ZNF667: variants seen among roughly 807,000 people sequenced by gnomAD.
ZNF667 encodes the protein myocardial ischemic preconditioning upregulated 1 ortholog.
Under a neutral mutation model 31.8 loss-of-function variants are expected in ZNF667, and 13 were observed. The ratio of observed to expected loss-of-function variants is 0.41; its 90% CI spans 0.27 to 0.65. The LOEUF (loss-of-function observed/expected upper bound fraction) is 0.65, where lower values mean the gene tolerates loss of function less well. Ranked by LOEUF, ZNF667 falls within the 30% of genes least tolerant of loss-of-function variation. The pLI is 0.32. For missense variants in ZNF667, 642 were observed against 725.6 expected (o/e 0.88, Z 1.32); for synonymous variants, 228 against 247.1 (o/e 0.92, Z 0.73).
chr19:56,469,343 G>A (rs2043235617), intron 3 of ZNF667, among the ~76,000 whole-genome samples: 2 of 152,198 alleles, frequency 1.3e-5, no homozygotes, highest in African/African-American at 4.8e-5. Context: ...GGCCCCCAGT[G>A]GTGGTAAACA....
At chr19:56,463,123 G>C (rs138894970) in intron 3 of ZNF667, among the ~76,000 whole-genome samples, 1 of 152,132 alleles carries the variant, frequency 6.6e-6, no homozygotes, top group African/African-American at 2.4e-5. Flanking sequence ...CATGAAAGGG[G>C]TGCTGAGCAG....
intron 1 of ZNF667, chr19:56,475,117 T>C (rs1038771811): frequency 1.3e-5 from 2 of 152,248 alleles, no homozygotes; most frequent in African/African-American, 4.8e-5. Context: ...AAAGAACACC[T>C]GCCAAACACC....
chr19:56,447,656 G>A (rs1405267341), intron 6 of ZNF667, among the ~76,000 whole-genome samples: 1 of 152,090 alleles, frequency 6.6e-6, no homozygotes. Flanking sequence ...GCCGAGGTGG[G>A]TGGATCACAA....
intron 6 of ZNF667, among the ~76,000 whole-genome samples, chr19:56,455,586 G>T (rs866450209): frequency 6.6e-6 from 1 of 152,158 alleles, no homozygotes; most frequent in South Asian, 2.1e-4. Context: ...TGAACTCATG[G>T]ATATAAGAGA....
At chr19:56,444,477 G>A (rs1474676747) in intron 6 of ZNF667, among the ~76,000 whole-genome samples, 3 of 151,682 alleles carry the variant, frequency 2.0e-5, no homozygotes, top group African/African-American at 7.3e-5. Context: ...ACCTCCCACA[G>A]ACCCCACCTC....
chr19:56,457,728 G>C (rs2042963360), intron 6 of ZNF667, among the ~76,000 whole-genome samples: 2 of 152,144 alleles, frequency 1.3e-5, no homozygotes, highest in African/African-American at 4.8e-5. Flanking sequence ...ACAATTACAT[G>C]AGCTCTTATG....
upstream of ZNF667, chr19:56,477,726 A>AACC (rs1443748320): frequency 6.6e-6 from 1 of 152,474 alleles, no homozygotes; most frequent in Non-Finnish European, 1.5e-5. Flanking sequence ...CCGCTCCCAC[A>AACC]ACCACACGTT....
At chr19:56,454,524 C>T (rs978817926) in intron 6 of ZNF667, among the ~76,000 whole-genome samples, 2 of 151,740 alleles carry the variant, frequency 1.3e-5, no homozygotes, top group Non-Finnish European at 2.9e-5. Flanking sequence ...GAAATAAATC[C>T]ATACATCTAC....
At chr19:56,470,100 G>T (rs1204096184) in intron 3 of ZNF667, 1 of 448,234 alleles carries the variant, frequency 2.2e-6, no homozygotes. Flanking sequence ...ACCTTGCTGG[G>T]TCTTTACCTC....
In ZNF667 at chr19:56,441,707, G is replaced by A. The variant is rs769584802; in HGVS notation, c.1288C>T (p.Leu430Phe). The change falls in exon 7 of 7, where the codon CTT becomes TTT. Residue 430 changes from leucine to phenylalanine, a missense_variant. Coordinates refer to ENST00000504904, the MANE Select transcript of ZNF667 (RefSeq NM_001321356.2). This position sits in a 1 kb window ranked among gnomAD's most constrained non-coding sequence, Gnocchi z 4.2. ...CGKMFSGTAN[L>F]KIHQNIHSEE... Reference sequence around the variant, plus strand: ...GAATGAATATTCTGATGTATTTTAAGGTTTGCAGTTCCAGAAAACATCTTC... The same window carrying A: ...GAATGAATATTCTGATGTATTTTAAAGTTTGCAGTTCCAGAAAACATCTTC... The A allele has an allele frequency of 6.2e-7, 1 of 1,614,080 alleles. No homozygotes were observed. The highest frequency in any genetic ancestry group is 8.5e-7 in the Non-Finnish European group (1 of 1,180,022).
chr19:56,463,092 C>A (rs1253320589), intron 3 of ZNF667, among the ~76,000 whole-genome samples: 1 of 151,758 alleles, frequency 6.6e-6, no homozygotes, highest in African/African-American at 2.4e-5. Context: ...GGAGGGTGGG[C>A]TAAGGCAGGC....
At chr19:56,467,262 C>T (rs962352111) in intron 3 of ZNF667, among the ~76,000 whole-genome samples, 16 of 152,060 alleles carry the variant, frequency 1.1e-4, no homozygotes, top group African/African-American at 2.9e-4. Context: ...GGCCACCCCC[C>T]CAAAGATATG....
chr19:56,464,619 TGCCA>T (rs2043120383), intron 3 of ZNF667, among the ~76,000 whole-genome samples: 1 of 152,260 alleles, frequency 6.6e-6, no homozygotes, highest in Non-Finnish European at 1.5e-5. Context: ...GGGGCAGTGC[TGCCA>T]CATGCTCTCT....
rs202038837 is a variant in ZNF667, at chr19:56,464,335, CATT to C, written c.-59-1909_-59-1907del. 1.1e-4 allele frequency among the ~76,000 whole-genome samples: 17 copies of C among 152,074 alleles called. 1 individual carries two copies. The East Asian group carries it at 1.9e-3, about 17-fold the overall frequency. On this transcript the variant is annotated intron_variant, in intron 3 of 6. Transcript: ENST00000504904. ...GTAGTGAGACCCTGTCTCTATAAAACATTAAAAAATTAGCTGAGTGTGGTGGTG... is the reference window on the plus strand; with the variant it reads ...GTAGTGAGACCCTGTCTCTATAAAACAAAAAATTAGCTGAGTGTGGTGGTG...
chr19:56,441,946 C>A lies in ZNF667; in HGVS notation c.1049G>T (p.Arg350Ile). 6.2e-7 allele frequency: 1 copy of A among 1,614,096 alleles called. No individual in the cohort carries two copies. Among genetic ancestry groups the A allele is most frequent in the Non-Finnish European group, 8.5e-7 (1 of 1,180,024 alleles). ...GTACGGTTTCTCTGAAGTGTGAATT[C>A]TCTGGTGAAGCATCAGGGGTGAAAT... ...NRISPLMLHQRIHTSEKPYKC... is the reference protein window; with the variant it reads ...NRISPLMLHQIIHTSEKPYKC... Residue 350 changes from arginine (R) to isoleucine (I), a missense_variant, in exon 7 of 7, where the codon AGA becomes ATA. Physicochemically the swap from Arg to Ile is moderately conservative, Grantham distance 97. Transcript: ENST00000504904. This position sits in a 1 kb window ranked among gnomAD's most constrained non-coding sequence, Gnocchi z 4.2.
intron 3 of ZNF667, among the ~76,000 whole-genome samples, chr19:56,463,515 G>C (rs1180123462): frequency 6.6e-6 from 1 of 152,048 alleles, no homozygotes; most frequent in East Asian, 1.9e-4. Context: ...TGGAACTGAG[G>C]AACTCATTTT....
chr19:56,451,868 CAAAAAAAAAAAAAA>C (rs71184363), intron 6 of ZNF667, among the ~76,000 whole-genome samples: 46,157 of 81,294 alleles, frequency 0.57, 9,401 homozygotes, highest in Middle Eastern at 0.7. Context: ...GACCCTGTCT[CAAAAAAAAAAAAAA>C]AAAAAAAAAA....
In ZNF667 at chr19:56,470,751, C is replaced by T. The variant is rs138478002; in HGVS notation, c.-60+948G>A. 3.0e-3 allele frequency among the ~76,000 whole-genome samples: 458 copies of T among 152,212 alleles called. 1 individual carries two copies. Among genetic ancestry groups the T allele is most frequent in the African/African-American group, 0.01 (423 of 41,528 alleles). ...AGACTGAGGAGCGAGGGCTCGGTGA[C>T]GAACTGAGCAGACTGGCCTTCGATT... On this transcript the variant is annotated intron_variant, in intron 3 of 6. Coordinates refer to ENST00000504904, the MANE Select transcript of ZNF667 (RefSeq NM_001321356.2).
At chr19:56,463,198 C>T (rs143081923) in intron 3 of ZNF667, among the ~76,000 whole-genome samples, 69 of 152,132 alleles carry the variant, frequency 4.5e-4, no homozygotes, top group Middle Eastern at 3.4e-3. Flanking sequence ...GGGAGTGACA[C>T]CATCAGACAA....
Sources: allele counts gnomAD v4.1 joint callset (sites outside exome capture counted in the v4.1 genomes callset), GRCh38; gene constraint gnomAD v4.1.1; non-coding constraint Gnocchi (gnomAD v3.1); transcripts MANE v1.5; gene names NCBI Gene and HGNC (gene_info 2026-07-23, HGNC 2026-07-21).